Variants in GRID2 observed in about 807,000 individuals in gnomAD.
The protein encoded by GRID2 is glutamate receptor ionotropic, delta-2.
Under a neutral mutation model 114.8 loss-of-function variants are expected in GRID2, and 33 were observed. The ratio of observed to expected loss-of-function variants is 0.29; its 90% confidence interval spans 0.22 to 0.38. The LOEUF is 0.38. GRID2 is among the 10% of genes least tolerant of loss of function. The probability of loss-of-function intolerance (pLI) is 1.00; values close to 1 mark genes in which losing one functional copy is unlikely to be tolerated. For synonymous variants in GRID2, 505 were observed against 449.9 expected, an observed-to-expected ratio of 1.12 and a Z score of -1.55; for missense variants, 1,184 against 1,257.7, an observed-to-expected ratio of 0.94 and a Z score of 0.89.
At chr4:92,800,403 T>C (rs1740095383) in intron 2 of GRID2, among the ~76,000 whole-genome samples, 1 of 151,898 alleles carries the variant, frequency 6.6e-6, no homozygotes, top group Non-Finnish European at 1.5e-5. Flanking sequence ...AATATTGAAC[T>C]AAGAATTAGT....
intron 2 of GRID2, among the ~76,000 whole-genome samples, chr4:92,913,132 C>T (rs997507892): frequency 6.6e-6 from 1 of 151,668 alleles, no homozygotes; most frequent in Non-Finnish European, 1.5e-5. Flanking sequence ...AATTTCTGTA[C>T]TTCTCATAAA....
chr4:93,661,787 C>G (rs1207239680), intron 14 of GRID2, among the ~76,000 whole-genome samples: 2 of 152,076 alleles, frequency 1.3e-5, no homozygotes, highest in African/African-American at 4.8e-5. Context: ...AATGGCAGCA[C>G]CCTTGCTTCC....
chr4:92,614,934 C>A (rs550461878), intron 2 of GRID2, among the ~76,000 whole-genome samples: 1 of 149,354 alleles, frequency 6.7e-6, no homozygotes, highest in African/African-American at 2.4e-5. Context: ...GTCTTTTATA[C>A]TTTGCTATGT....
intron 2 of GRID2, chr4:92,822,148 C>G (rs1301162048): frequency 5.6e-6 from 2 of 357,920 alleles, no homozygotes; most frequent in African/African-American, 4.3e-5. Flanking sequence ...CCTTCTAAGT[C>G]CCAGATCTTG....
At chr4:92,712,672 A>G (rs567612160) in intron 2 of GRID2, among the ~76,000 whole-genome samples, 44 of 152,304 alleles carry the variant, frequency 2.9e-4, no homozygotes, top group African/African-American at 1.0e-3. Flanking sequence ...TAATATTGCT[A>G]TAGTTTGCAG....
At chr4:92,493,637 A>G (rs1305107592) in intron 1 of GRID2, among the ~76,000 whole-genome samples, 1 of 152,152 alleles carries the variant, frequency 6.6e-6, no homozygotes, top group Non-Finnish European at 1.5e-5. Context: ...TTTAAATCTA[A>G]TTATTTCACT....
chr4:92,504,123 G>C (rs937804859), intron 1 of GRID2, among the ~76,000 whole-genome samples: 1 of 152,082 alleles, frequency 6.6e-6, no homozygotes, highest in Non-Finnish European at 1.5e-5. Context: ...CTGATGTTGA[G>C]AAAGGATTTT....
At chr4:92,637,100 A>G (rs1253430200) in intron 2 of GRID2, among the ~76,000 whole-genome samples, 1 of 151,984 alleles carries the variant, frequency 6.6e-6, no homozygotes, top group African/African-American at 2.4e-5. Context: ...TTAATATTAC[A>G]CAAATAAGGA....
chr4:92,791,495 T>C (rs537088462), intron 2 of GRID2, among the ~76,000 whole-genome samples: 8 of 152,034 alleles, frequency 5.3e-5, no homozygotes, highest in Admixed American at 4.6e-4. Context: ...TTTCACATGC[T>C]ATCAAATTAT....
intron 2 of GRID2, among the ~76,000 whole-genome samples, chr4:92,662,450 T>C (rs1732565345): frequency 6.6e-6 from 1 of 151,094 alleles, no homozygotes; most frequent in Non-Finnish European, 1.5e-5. Context: ...ATTTTTAACA[T>C]ATACATGCAT....
chr4:92,306,767 C>G (rs1028687237), intron 1 of GRID2, among the ~76,000 whole-genome samples: 2 of 152,156 alleles, frequency 1.3e-5, no homozygotes, highest in Admixed American at 6.5e-5. Context: ...TGTTGTCTGT[C>G]AGAGTGGCTA....
intron 14 of GRID2, among the ~76,000 whole-genome samples, chr4:93,727,170 A>C (rs1167667619): frequency 6.6e-6 from 1 of 152,098 alleles, no homozygotes; most frequent in African/African-American, 2.4e-5. Context: ...ATCAATACCT[A>C]ATTTATTGAG....
At chr4:92,355,471 T>A (rs1282775383) in intron 1 of GRID2, among the ~76,000 whole-genome samples, 1 of 151,846 alleles carries the variant, frequency 6.6e-6, no homozygotes, top group Admixed American at 6.6e-5. Context: ...AATTAAATAA[T>A]TGAATTTTAA....
At chr4:93,402,548 G>T (rs986773199) in intron 9 of GRID2, among the ~76,000 whole-genome samples, 1 of 151,912 alleles carries the variant, frequency 6.6e-6, no homozygotes, top group African/African-American at 2.4e-5. Context: ...GGAGATTGGA[G>T]GACTCTAAGG....
At chr4:92,833,873 G>C (rs150071255) in intron 2 of GRID2, 31 of 152,238 alleles carry the variant, frequency 2.0e-4, no homozygotes, top group Admixed American at 5.9e-4. Context: ...TGTGGGTGAC[G>C]ATCACTCCTG....
chr4:93,779,749 G>T (rs934233762), intron 1 of GRID2, among the ~76,000 whole-genome samples: 1 of 152,180 alleles, frequency 6.6e-6, no homozygotes. Flanking sequence ...AAGGTCAGAA[G>T]GATGCTTTTG....
intron 1 of GRID2, among the ~76,000 whole-genome samples, chr4:92,460,431 C>T (rs1168769194): frequency 1.3e-5 from 2 of 152,060 alleles, no homozygotes; most frequent in Non-Finnish European, 2.9e-5. Context: ...TTCATGTACA[C>T]GATTCTAGAT....
intron 2 of GRID2, among the ~76,000 whole-genome samples, chr4:92,701,221 T>G (rs1166840937): frequency 6.6e-6 from 1 of 152,156 alleles, no homozygotes; most frequent in African/African-American, 2.4e-5. Flanking sequence ...TTTTTAGCTT[T>G]GTGTCTAATG....
At chr4:93,060,306 C>T (rs1018099060) in intron 2 of GRID2, among the ~76,000 whole-genome samples, 1 of 152,078 alleles carries the variant, frequency 6.6e-6, no homozygotes, top group African/African-American at 2.4e-5. Flanking sequence ...TTGGACTTTT[C>T]AAATGGTAAG....
Sources: allele counts gnomAD v4.1 joint callset (sites outside exome capture counted in the v4.1 genomes callset), GRCh38; gene constraint gnomAD v4.1.1; transcripts MANE v1.5; gene names NCBI Gene and HGNC (gene_info 2026-07-23, HGNC 2026-07-21).